The following SMIM36 variants were observed in gnomAD, a reference collection of about 807,000 sequenced individuals.
SMIM36 encodes small integral membrane protein 36.
At chr17:55,487,142 A>C (rs947489508) in intron 1 of SMIM36, among the ~76,000 whole-genome samples, 2 of 144,798 alleles carry the variant, frequency 1.4e-5, no homozygotes, top group Non-Finnish European at 3.0e-5. Context: ...ATAGGTGGGA[A>C]TTGAACAATG....
intron 3 of SMIM36, among the ~76,000 whole-genome samples, chr17:55,478,516 C>T (rs926636296): frequency 2.6e-5 from 4 of 152,196 alleles, no homozygotes; most frequent in Non-Finnish European, 5.9e-5. Context: ...AGGAGTGAGC[C>T]ACCACACCTG....
intron 1 of SMIM36, among the ~76,000 whole-genome samples, chr17:55,501,055 A>C (rs1380821989): frequency 1.4e-5 from 1 of 69,242 alleles, no homozygotes; most frequent in African/African-American, 6.2e-5. Context: ...TATAATATAT[A>C]ATATATTATT....
intron 3 of SMIM36, among the ~76,000 whole-genome samples, chr17:55,471,429 C>T (rs56912639): frequency 0.026 from 4,021 of 152,194 alleles, 186 homozygotes; most frequent in African/African-American, 0.091. Flanking sequence ...CCTAGCGTTA[C>T]CTATCTCAGT....
At chr17:55,465,611 C>T (rs1359948183) in intron 4 of SMIM36, among the ~76,000 whole-genome samples, 1 of 152,140 alleles carries the variant, frequency 6.6e-6, no homozygotes, top group Non-Finnish European at 1.5e-5. Context: ...TGCCTCAACA[C>T]ATGGCATAAA....
chr17:55,516,085 C>T (rs981451872), upstream of SMIM36, among the ~76,000 whole-genome samples: 1 of 152,214 alleles, frequency 6.6e-6, no homozygotes, highest in African/African-American at 2.4e-5. Context: ...CAAAGACCTT[C>T]AGTTTAAAAT....
intron 4 of SMIM36, among the ~76,000 whole-genome samples, chr17:55,460,750 C>T (rs537735899): frequency 2.0e-5 from 3 of 151,312 alleles, no homozygotes; most frequent in African/African-American, 2.4e-5. Context: ...CCCAGCTACT[C>T]GGGAGGCTGA....
intron 3 of SMIM36, among the ~76,000 whole-genome samples, chr17:55,472,793 G>T (rs1022779085): frequency 4.0e-5 from 6 of 151,250 alleles, no homozygotes; most frequent in African/African-American, 1.5e-4. Context: ...GCTTGAAACC[G>T]GGAGGCGGAG....
intron 4 of SMIM36, among the ~76,000 whole-genome samples, chr17:55,459,884 C>T (rs1341849974): frequency 6.6e-6 from 1 of 152,036 alleles, no homozygotes; most frequent in African/African-American, 2.4e-5. Context: ...ATAATCCCAG[C>T]GACTTTGGAG....
At chr17:55,460,407 G>A (rs1326341021) in intron 4 of SMIM36, among the ~76,000 whole-genome samples, 4 of 146,926 alleles carry the variant, frequency 2.7e-5, no homozygotes, top group South Asian at 2.1e-4. Context: ...CAGCCTGGGC[G>A]ACAAGAGTGA....
intron 3 of SMIM36, among the ~76,000 whole-genome samples, chr17:55,470,660 C>T (rs1909327325): frequency 6.6e-6 from 1 of 152,090 alleles, no homozygotes; most frequent in African/African-American, 2.4e-5. Context: ...ACAGCCACAC[C>T]ACATTGCTGC....
chr17:55,519,276 C>T, the SMIM36 span, among the ~76,000 whole-genome samples: 14 of 151,998 alleles, frequency 9.2e-5, no homozygotes, highest in South Asian at 8.3e-4. Flanking sequence ...AGAAGGTTGG[C>T]GCAAGAGGGT....
exon 1 of SMIM36, chr17:55,511,442 A>G (rs1910181106): frequency 7.6e-6 from 3 of 396,404 alleles, no homozygotes; most frequent in East Asian, 3.6e-5. Context: ...TTGGCTCTGG[A>G]GTAAAAATAC....
intron 4 of SMIM36, among the ~76,000 whole-genome samples, chr17:55,464,301 A>C (rs1035823369): frequency 2.0e-5 from 3 of 152,202 alleles, no homozygotes; most frequent in Non-Finnish European, 4.4e-5. Flanking sequence ...TGTGATGGAC[A>C]GTTAATGAAC....
intron 4 of SMIM36, among the ~76,000 whole-genome samples, chr17:55,456,448 C>CT (rs1221651405): frequency 1.8e-4 from 27 of 152,266 alleles, no homozygotes; most frequent in Non-Finnish European, 3.5e-4. Context: ...ATCATTCCAT[C>CT]TTTTTTCCCA....
chr17:55,508,992 T>C (rs1254846931), intron 1 of SMIM36, among the ~76,000 whole-genome samples: 3 of 149,600 alleles, frequency 2.0e-5, no homozygotes, highest in Non-Finnish European at 4.4e-5. Flanking sequence ...AAATTTCCTC[T>C]GAAGGGTTTT....
intron 1 of SMIM36, among the ~76,000 whole-genome samples, chr17:55,490,933 G>A (rs1339800701): frequency 6.6e-6 from 1 of 150,766 alleles, no homozygotes; most frequent in Non-Finnish European, 1.5e-5. Flanking sequence ...AGTTTCCCAA[G>A]TGAATAGGCA....
chr17:55,454,425 T>TA (rs1908980132), intron 4 of SMIM36, among the ~76,000 whole-genome samples: 1 of 152,204 alleles, frequency 6.6e-6, no homozygotes, highest in South Asian at 2.1e-4. Context: ...GGATTACCGT[T>TA]AAAAAACTCA....
At chr17:55,529,421 A>C in the SMIM36 span, among the ~76,000 whole-genome samples, 45,973 of 151,922 alleles carry the variant, frequency 0.3, 7,298 homozygotes, top group East Asian at 0.49. Flanking sequence ...CTAGGAGTTC[A>C]AGAACAGCCT....
the SMIM36 span, among the ~76,000 whole-genome samples, chr17:55,520,568 C>T: frequency 7.2e-5 from 11 of 152,236 alleles, no homozygotes; most frequent in Admixed American, 3.9e-4. Context: ...CACTGAGTGA[C>T]TAATGGGCAG....
Sources: allele counts gnomAD v4.1 joint callset (sites outside exome capture counted in the v4.1 genomes callset), GRCh38; gene constraint gnomAD v4.1.1; transcripts MANE v1.5; gene names NCBI Gene and HGNC (gene_info 2026-07-23, HGNC 2026-07-21).